The following SLC34A2 variants were observed in gnomAD, a reference collection of about 807,000 sequenced individuals.
SLC34A2 encodes the protein solute carrier family 34 member 2, also known as sodium-dependent phosphate transport protein 2B.
SLC34A2 carries 41 observed loss-of-function variants against 50.8 expected under a neutral mutation model. That is an observed-to-expected ratio of 0.81 (90% confidence interval 0.63 to 1.05). The LOEUF (loss-of-function observed/expected upper bound fraction) is 1.05. SLC34A2 is among the 50% of genes least tolerant of loss of function. SLC34A2 has a pLI of 0.00. For missense variants in SLC34A2, 879 were observed against 876.7 expected, an observed-to-expected ratio of 1.00 and a Z score of -0.03; for synonymous variants, 401 against 364.2, an observed-to-expected ratio of 1.10 and a Z score of -1.15.
chr4:25,670,840 T>G lies in SLC34A2; in HGVS notation c.927+7T>G, dbSNP rs1226412071. On this transcript the variant is annotated splice_region_variant and intron_variant, in intron 8 of 12. Transcript: ENST00000382051. ...CAAAACTTTTACCAACAAGGTACGT[T>G]TCCAAGAATATTCCCGGGGCGGGGA... 2 of 1,609,198 alleles carry G rather than the reference T, an allele frequency of 1.2e-6. No homozygotes were observed. The highest frequency in any genetic ancestry group is 3.3e-5 in the Admixed American group (2 of 60,022).
At position 25,662,607 on chromosome 4, in the gene SLC34A2, A is replaced by G. The variant is rs764907223; in HGVS notation, c.107A>G (p.Asn36Ser). Residue 36 changes from asparagine (N) to serine (S), a missense_variant, in exon 2 of 13, where the codon AAC (asparagine) becomes AGC (serine). Transcript: ENST00000382051. ...PTAPDKSKETNKTDNTEAPVT... is the reference protein window; with the variant it reads ...PTAPDKSKETSKTDNTEAPVT... ...GCCCCTGATAAAAGCAAAGAGACCA[A>G]CAAAAGTAAGTGTCGCTCGTTTGTC... The G allele has an allele frequency of 6.2e-7, 1 of 1,614,016 alleles. No homozygotes were observed. The highest frequency in any genetic ancestry group is 8.5e-7 in the Non-Finnish European group (1 of 1,179,998).
intron 6 of SLC34A2, among the ~76,000 whole-genome samples, chr4:25,669,187 G>A (rs1714677738): frequency 2.0e-5 from 3 of 152,096 alleles, no homozygotes; most frequent in Non-Finnish European, 2.9e-5. Flanking sequence ...GTGATATTTT[G>A]TTACATTCAT....
chr4:25,672,997 G>A, intron 9 of SLC34A2, 90 bp from the exon 10 acceptor site: 1 of 1,407,076 alleles, frequency 7.1e-7, no homozygotes, highest in African/African-American at 1.4e-5. Context: ...GAATCTGTTT[G>A]TAGGAAAGAC....
At position 25,671,717 on chromosome 4, in the gene SLC34A2, C is replaced by T; in HGVS notation, c.1044C>T (p.Ala348=). 1 of 1,614,184 alleles carries T rather than the reference C, an allele frequency of 6.2e-7. No homozygotes were observed. The highest frequency in any genetic ancestry group is 1.1e-5 in the South Asian group (1 of 91,072). Residue 348 remains alanine, a synonymous_variant, in exon 9 of 13, where the codon GCC becomes GCT. Coordinates refer to ENST00000382051, the MANE Select transcript of SLC34A2 (RefSeq NM_006424.3). ...ATGTGACCTACAAGGAGAACATCGCCAAATGTGAGTGGAGCTCAGTGGATT... is the reference window on the plus strand; with the variant it reads ...ATGTGACCTACAAGGAGAACATCGCTAAATGTGAGTGGAGCTCAGTGGATT... The part of the protein sequence containing the change: ...MKNVTYKENI[A]KCQHIFVNFH...
At chr4:25,664,157 AG>A (rs1484412177) in intron 3 of SLC34A2, 44 bp from the exon 4 acceptor site, 1 of 1,605,492 alleles carries the variant, frequency 6.2e-7, no homozygotes, top group East Asian at 2.2e-5. Flanking sequence ...CAACACTAAA[AG>A]TTTCATGCCT....
rs917641107 is a variant in SLC34A2, at chr4:25,673,080, C to CT, written c.1049-4dup. On this transcript the variant is annotated splice_region_variant and splice_polypyrimidine_tract_variant and intron_variant, in intron 9 of 12. Transcript: ENST00000382051. ...CCCTCCTGACAAGATTCTTTGTGGT[C>CT]TTTCAGGCCAGCATATCTTTGTGAA... 3 of 1,614,136 alleles carry CT rather than the reference C, an allele frequency of 1.9e-6. No individual in the cohort carries two copies.
chr4:25,667,826 C>A, intron 5 of SLC34A2, 54 bp from the exon 6 acceptor site: 1 of 1,200,282 alleles, frequency 8.3e-7, no homozygotes, highest in Non-Finnish European at 1.2e-6. Context: ...GTAACTTTAG[C>A]CTGCCTCCAG....
Position 25,662,826 on chromosome 4 carries a change from G to A in SLC34A2, c.234G>A (p.Ser78=), listed in dbSNP as rs200667166. 138 of 1,614,048 alleles carry A rather than the reference G, an allele frequency of 8.5e-5. No individual in the cohort carries two copies. Among genetic ancestry groups the A allele is most frequent in the East Asian group, 2.2e-5 (1 of 44,874 alleles). The change falls in exon 3 of 13, where the codon TCG becomes TCA. Residue 78 remains serine (S), a synonymous_variant. Transcript: ENST00000382051. ...DPWNLPTLQD[S]GIKWSERDTK... is the part of the protein sequence containing the mutation. ...GGAACCTACCCACTCTTCAGGACTC[G>A]GGGATCAAGTGGTCAGGTAAAAGTG...
At chr4:25,668,849 G>A (rs1714655698) in intron 6 of SLC34A2, among the ~76,000 whole-genome samples, 1 of 149,990 alleles carries the variant, frequency 6.7e-6, no homozygotes, top group South Asian at 2.1e-4. Context: ...TTTCAAAAAG[G>A]TTAATGTGAA....
rs752197307 is a variant in SLC34A2, at chr4:25,670,830, C to G, written c.924C>G (p.Asn308Lys). ...AGATTTGGTGCAAAACTTTTACCAA[C>G]AAGGTACGTTTCCAAGAATATTCCC... ...LVKIWCKTFT[N>K]KTQINVTVPS... The change falls in exon 8 of 13, where the codon AAC becomes AAG. Residue 308 changes from asparagine (N) to lysine (K), a missense_variant. By Grantham distance (94) the Asn-to-Lys change is moderately conservative. Transcript: ENST00000382051. 8 of 1,612,570 alleles carry G rather than the reference C, an allele frequency of 5.0e-6. No homozygotes were observed. The African/African-American group carries it at 6.7e-5, about 13-fold the overall frequency.
chr4:25,669,217 T>G (rs893452169), intron 6 of SLC34A2, among the ~76,000 whole-genome samples: 1 of 152,174 alleles, frequency 6.6e-6, no homozygotes, highest in Admixed American at 6.5e-5. Context: ...AGTGATCAAA[T>G]CAGGGTATTT....
rs568271536 is a variant in SLC34A2, at chr4:25,662,748, G to A, written c.156G>A (p.Pro52=). Residue 52 remains proline (P), a synonymous_variant, in exon 3 of 13, where the codon CCG becomes CCA. Transcript: ENST00000382051. The part of the protein sequence containing the change: ...EAPVTKIELL[P]SYSTATLIDE... ...CTGTAACCAAGATTGAACTTCTGCC[G>A]TCCTACTCCACGGCTACACTGATAG... 2.0e-5 allele frequency: 33 copies of A among 1,613,962 alleles called. No individual in the cohort carries two copies. Among genetic ancestry groups the A allele is most frequent in the South Asian group, 1.9e-4 (17 of 91,068 alleles).
chr4:25,667,507 T>C (rs949924650), intron 5 of SLC34A2, among the ~76,000 whole-genome samples: 2 of 152,036 alleles, frequency 1.3e-5, no homozygotes, highest in Non-Finnish European at 2.9e-5. Flanking sequence ...GCGAGATCCA[T>C]CTCAAAAAAT....
Position 25,676,724 on chromosome 4 carries a change from CA to C in SLC34A2, c.2051del (p.Lys684ArgfsTer47). ...EAQGEVPASD[S>X]KTECTAL Reference sequence around the variant, plus strand: ...CAGGGTGAGGTCCCTGCCTCGGACTCAAAGACCGAATGCACGGCCTTGTAGG... The same window carrying C: ...CAGGGTGAGGTCCCTGCCTCGGACTCAAGACCGAATGCACGGCCTTGTAGG... On this transcript the variant is annotated frameshift_variant, in exon 13 of 13. Transcript: ENST00000382051. LOFTEE classifies it high-confidence loss of function. 1 of 1,614,134 alleles carries C rather than the reference CA, an allele frequency of 6.2e-7. No homozygotes were observed. The highest frequency in any genetic ancestry group is 8.5e-7 in the Non-Finnish European group (1 of 1,180,004).
chr4:25,662,823 C>T lies in SLC34A2; in HGVS notation c.231C>T (p.Asp77=). Residue 77 remains aspartate, a synonymous_variant, in exon 3 of 13, where the codon GAC becomes GAT. Transcript: ENST00000382051. ...CCTGGAACCTACCCACTCTTCAGGA[C>T]TCGGGGATCAAGTGGTCAGGTAAAA... is the stretch of plus-strand genomic sequence containing the variant. ...DDPWNLPTLQ[D]SGIKWSERDT... 6.2e-7 allele frequency: 1 copy of T among 1,614,120 alleles called. No individual in the cohort carries two copies. Among genetic ancestry groups the T allele is most frequent in the Admixed American group, 1.7e-5 (1 of 60,006 alleles).
intron 5 of SLC34A2, among the ~76,000 whole-genome samples, chr4:25,666,758 G>T (rs962345659): frequency 6.6e-6 from 1 of 152,190 alleles, no homozygotes; most frequent in Non-Finnish European, 1.5e-5. Context: ...TAAGAAGAAA[G>T]ACAACTTAAT....
intron 1 of SLC34A2, among the ~76,000 whole-genome samples, chr4:25,661,481 A>G (rs568530565): frequency 2.6e-5 from 4 of 152,270 alleles, no homozygotes; most frequent in East Asian, 3.9e-4. Flanking sequence ...TCCGCCTCCC[A>G]GGTTCAAGCA....
In SLC34A2 at chr4:25,676,409, G is replaced by A; in HGVS notation, c.1733G>A (p.Arg578His). 4 of 1,613,926 alleles carry A rather than the reference G, an allele frequency of 2.5e-6. No homozygotes were observed. Among genetic ancestry groups the A allele is most frequent in the East Asian group, 4.5e-5 (2 of 44,862 alleles). Reference sequence around the variant, plus strand: ...CTGTGCCTCCGACTCCTGCAGTCTCGCTGCCCACGCGTCCTGCCGAAGAAA... The same window carrying A: ...CTGTGCCTCCGACTCCTGCAGTCTCACTGCCCACGCGTCCTGCCGAAGAAA... ...LVLCLRLLQS[R>H]CPRVLPKKLQ... Residue 578 changes from arginine to histidine, a missense_variant, in exon 13 of 13, where the codon CGC becomes CAC. Coordinates refer to ENST00000382051, the MANE Select transcript of SLC34A2 (RefSeq NM_006424.3).
At chr4:25,662,363 C>T in intron 1 of SLC34A2, 135 bp from the exon 2 acceptor site, 2 of 729,452 alleles carry the variant, frequency 2.7e-6, no homozygotes, top group African/African-American at 3.5e-5. Context: ...TGAAATCTTT[C>T]CCTTCCTTTT....
Sources: gnomAD v4.1 joint callset for allele counts (sites outside exome capture counted in the v4.1 genomes callset) on GRCh38, gnomAD v4.1.1 for gene constraint, MANE v1.5 for transcripts, NCBI Gene and HGNC (gene_info 2026-07-23, HGNC 2026-07-21) for gene names.